DPP10: variants seen among roughly 807,000 people sequenced by gnomAD.
DPP10 encodes dipeptidyl peptidase like 10, also known as inactive dipeptidyl peptidase 10.
In DPP10, 33 loss-of-function variants were observed where a neutral mutation model predicts 120.9. The observed-to-expected ratio is 0.27, with a 90% CI of 0.21 to 0.37. The LOEUF is 0.37. Among genes scored for constraint, DPP10 ranks in the 10% least tolerant of loss-of-function variants. DPP10 has a pLI of 1.00. For synonymous variants in DPP10, 337 were observed against 326.1 expected (o/e 1.03, Z -0.36); for missense variants, 816 against 942.8 (o/e 0.87, Z 1.76).
chr2:114,543,404 T>C (rs1179898226), intron 1 of DPP10, among the ~76,000 whole-genome samples: 2 of 152,192 alleles, frequency 1.3e-5, no homozygotes, highest in Admixed American at 6.5e-5. Context: ...AAGTAGGAAA[T>C]AGCAAGAGGG....
At chr2:114,917,126 C>A (rs1694864670) in intron 1 of DPP10, among the ~76,000 whole-genome samples, 1 of 152,078 alleles carries the variant, frequency 6.6e-6, no homozygotes, top group South Asian at 2.1e-4. Flanking sequence ...CAAAGTTTCA[C>A]AATACAAAAT....
At chr2:115,323,496 C>T (rs2062173919) in intron 2 of DPP10, among the ~76,000 whole-genome samples, 2 of 152,184 alleles carry the variant, frequency 1.3e-5, no homozygotes, top group Admixed American at 6.6e-5. Context: ...GACCTTTTCA[C>T]ATAAATCACA....
intron 1 of DPP10, among the ~76,000 whole-genome samples, chr2:114,841,479 T>G (rs1173907439): frequency 1.3e-5 from 2 of 152,214 alleles, no homozygotes; most frequent in Non-Finnish European, 2.9e-5. Context: ...TTTAGTAGAC[T>G]AGATTCAGCA....
intron 1 of DPP10, among the ~76,000 whole-genome samples, chr2:115,137,729 C>T (rs1223484443): frequency 6.6e-6 from 1 of 152,112 alleles, no homozygotes; most frequent in Admixed American, 6.6e-5. Flanking sequence ...GAGTGAACTC[C>T]AACTATGAAG....
At chr2:115,571,399 A>T (rs555384243) in intron 5 of DPP10, among the ~76,000 whole-genome samples, 1 of 152,262 alleles carries the variant, frequency 6.6e-6, no homozygotes, top group East Asian at 1.9e-4. Flanking sequence ...CCCATATAGT[A>T]GTCACCAGTT....
chr2:115,121,592 C>A (rs2049827281), intron 1 of DPP10, among the ~76,000 whole-genome samples: 2 of 152,142 alleles, frequency 1.3e-5, no homozygotes, highest in Non-Finnish European at 2.9e-5. Flanking sequence ...GCAGAGGGGG[C>A]AGGCTATGTG....
At chr2:115,362,501 T>G (rs10496491) in intron 3 of DPP10, among the ~76,000 whole-genome samples, 103,338 of 151,928 alleles carry the variant, frequency 0.68, 35,457 homozygotes, top group Admixed American at 0.75. Context: ...AAAAGCTTTA[T>G]ATAACTGGCA....
chr2:114,460,052 T>C (rs896823905), intron 1 of DPP10, among the ~76,000 whole-genome samples: 1 of 152,180 alleles, frequency 6.6e-6, no homozygotes, highest in Non-Finnish European at 1.5e-5. Context: ...TCTTCTATTT[T>C]CTTCTACAGA....
At chr2:114,788,300 C>T (rs751297897) in intron 1 of DPP10, among the ~76,000 whole-genome samples, 16 of 152,108 alleles carry the variant, frequency 1.1e-4, no homozygotes, top group Non-Finnish European at 2.1e-4. Context: ...GCCATTTATA[C>T]TCATCCTATG....
At chr2:114,465,634 C>T (rs1365539329) in intron 1 of DPP10, among the ~76,000 whole-genome samples, 1 of 152,168 alleles carries the variant, frequency 6.6e-6, no homozygotes, top group African/African-American at 2.4e-5. Flanking sequence ...AATGAGCTTA[C>T]TCTGATTGAA....
chr2:115,250,254 C>A (rs1002237206), intron 1 of DPP10, among the ~76,000 whole-genome samples: 1 of 152,110 alleles, frequency 6.6e-6, no homozygotes, highest in Non-Finnish European at 1.5e-5. Context: ...TGAGAGACTG[C>A]AGTAAGACAG....
At chr2:114,544,231 T>C (rs1446563123) in intron 1 of DPP10, among the ~76,000 whole-genome samples, 12 of 152,100 alleles carry the variant, frequency 7.9e-5, no homozygotes, top group African/African-American at 1.4e-4. Flanking sequence ...ATGGGTTCCA[T>C]TGAGAAGTGA....
rs185447356 is a variant in DPP10, at chr2:115,328,125, C to T, written c.176-15692C>T. Among the ~76,000 whole-genome samples the T allele has an allele frequency of 2.0e-5, 3 of 151,958 alleles. No individual in the cohort carries two copies. In the East Asian group the frequency reaches 5.8e-4, roughly 29 times the overall value. ...GTCATGGTAATGTGATAGAATCAAGCAACATATGTGAAGGAGGAACTTAAA... is the reference window on the plus strand; with the variant it reads ...GTCATGGTAATGTGATAGAATCAAGTAACATATGTGAAGGAGGAACTTAAA... On this transcript the variant is annotated intron_variant, in intron 2 of 25. Transcript: ENST00000410059.
chr2:115,680,545 T>C (rs1308923254), intron 5 of DPP10, among the ~76,000 whole-genome samples: 1 of 151,940 alleles, frequency 6.6e-6, no homozygotes, highest in African/African-American at 2.4e-5. Context: ...CAAAAGTGGA[T>C]GTATACCTCA....
intron 11 of DPP10, among the ~76,000 whole-genome samples, chr2:115,760,196 T>G (rs1310327906): frequency 6.6e-6 from 1 of 152,006 alleles, no homozygotes; most frequent in Non-Finnish European, 1.5e-5. Flanking sequence ...GAAATAGACT[T>G]TAAAGTAAGA....
intron 1 of DPP10, among the ~76,000 whole-genome samples, chr2:115,255,607 A>C (rs1159118137): frequency 6.6e-6 from 1 of 152,044 alleles, no homozygotes; most frequent in Non-Finnish European, 1.5e-5. Context: ...CTTCCTCTTT[A>C]ATTATTTGAC....
chr2:114,861,098 A>G (rs1360451240), intron 1 of DPP10, among the ~76,000 whole-genome samples: 2 of 152,200 alleles, frequency 1.3e-5, no homozygotes, highest in Non-Finnish European at 2.9e-5. Flanking sequence ...TTGTGTGTAG[A>G]TACTGTATTA....
At chr2:115,258,163 C>A (rs1179593029) in intron 1 of DPP10, among the ~76,000 whole-genome samples, 1 of 152,134 alleles carries the variant, frequency 6.6e-6, no homozygotes, top group Non-Finnish European at 1.5e-5. Flanking sequence ...TCATGGTACA[C>A]TGAAATAGAT....
chr2:115,453,802 C>T (rs536941094), intron 3 of DPP10, among the ~76,000 whole-genome samples: 4 of 151,364 alleles, frequency 2.6e-5, no homozygotes, highest in South Asian at 4.2e-4. Context: ...TGGAAATATA[C>T]CCAAAAGTTA....
Sources: allele counts gnomAD v4.1 joint callset (sites outside exome capture counted in the v4.1 genomes callset), GRCh38; gene constraint gnomAD v4.1.1; transcripts MANE v1.5; gene names NCBI Gene and HGNC (gene_info 2026-07-23, HGNC 2026-07-21).